KMT2E: variants seen among roughly 807,000 people sequenced by gnomAD.
KMT2E encodes histone reader KMT2E.
KMT2E carries 30 observed loss-of-function variants against 184.6 expected under a neutral mutation model. The ratio of observed to expected loss-of-function variants is 0.16; its 90% CI spans 0.12 to 0.22. KMT2E has a LOEUF of 0.22. Ranked by LOEUF, KMT2E falls within the 10% of genes least tolerant of loss-of-function variation. The probability of loss-of-function intolerance (pLI) is 1.00; values close to 1 mark genes in which losing one functional copy is unlikely to be tolerated. For synonymous variants in KMT2E, 815 were observed against 776.5 expected (o/e 1.05, Z -0.82); for missense variants, 2,023 against 2,237.4 (o/e 0.90, Z 1.93).
At position 105,111,811 on chromosome 7, in the gene KMT2E, T is replaced by A; in HGVS notation, c.4069-14T>A. On this transcript the variant is annotated splice_polypyrimidine_tract_variant and intron_variant, in intron 26 of 26. Coordinates refer to ENST00000311117, the MANE Select transcript of KMT2E (RefSeq NM_182931.3). ...ATGTTCCTTGAATGTATATAATTTG[T>A]TTTCTCTTCATAGCCTGGTTCACCT... is the stretch of plus-strand genomic sequence containing the variant. 1 of 1,591,152 alleles carries A rather than the reference T, an allele frequency of 6.3e-7. No homozygotes were observed. Among genetic ancestry groups the A allele is most frequent in the South Asian group, 1.1e-5 (1 of 86,972 alleles).
chr7:105,085,115 A>T (rs1472135920), intron 13 of KMT2E, among the ~76,000 whole-genome samples: 1 of 151,902 alleles, frequency 6.6e-6, no homozygotes, highest in Non-Finnish European at 1.5e-5. Context: ...GCAAATTTTC[A>T]AACATGTTTC....
intron 6 of KMT2E, among the ~76,000 whole-genome samples, chr7:105,071,179 T>C (rs780428953): frequency 2.0e-5 from 3 of 152,202 alleles, no homozygotes; most frequent in Non-Finnish European, 4.4e-5. Flanking sequence ...AGAGCTTCAA[T>C]GTACTGTATC....
rs547460005 is a variant in KMT2E at position 105,072,140 on chromosome 7, T to C, written c.498-1479T>C. ...CATCCTGGCTAACATGGTGAAACCC[T>C]GTCTCTACTAAAAATACAAAAACAA... On this transcript the variant is annotated intron_variant, in intron 6 of 26. Coordinates refer to ENST00000311117, the MANE Select transcript of KMT2E (RefSeq NM_182931.3). Among the ~76,000 whole-genome samples, 14 of 151,976 alleles carry C rather than the reference T, an allele frequency of 9.2e-5. No individual in the cohort carries two copies. In the South Asian group the frequency reaches 2.9e-3, roughly 32 times the overall value.
chr7:105,031,905 A>G (rs1238475994), intron 1 of KMT2E, among the ~76,000 whole-genome samples: 1 of 151,566 alleles, frequency 6.6e-6, no homozygotes, highest in East Asian at 1.9e-4. Flanking sequence ...CTCTGTCTCT[A>G]CTGAAAATAC....
At chr7:105,073,755 T>A (rs2129567914) in intron 7 of KMT2E, 78 bp downstream of exon 7, 1 of 852,956 alleles carries the variant, frequency 1.2e-6, no homozygotes, top group East Asian at 2.5e-5. Context: ...TTTAGTTAAA[T>A]GTAAATATTT....
At chr7:105,019,834 C>T (rs966818704) in intron 1 of KMT2E, among the ~76,000 whole-genome samples, 3 of 152,032 alleles carry the variant, frequency 2.0e-5, no homozygotes, top group Admixed American at 6.5e-5. Context: ...AGGCTGGGCA[C>T]GGTGGCTCAT....
At chr7:105,088,519 T>C (rs1798076540) in intron 13 of KMT2E, among the ~76,000 whole-genome samples, 1 of 152,244 alleles carries the variant, frequency 6.6e-6, no homozygotes, top group South Asian at 2.1e-4. Context: ...TGAACAAACA[T>C]TCAACTACTT....
intron 1 of KMT2E, among the ~76,000 whole-genome samples, chr7:105,021,125 A>C (rs1362561190): frequency 6.6e-6 from 1 of 152,238 alleles, no homozygotes; most frequent in Non-Finnish European, 1.5e-5. Context: ...AGATGGGAAG[A>C]TTCATGATGT....
intron 1 of KMT2E, among the ~76,000 whole-genome samples, chr7:105,017,349 T>G (rs1286772616): frequency 2.6e-5 from 4 of 152,136 alleles, no homozygotes; most frequent in Non-Finnish European, 5.9e-5. Flanking sequence ...TTCAGTTTAC[T>G]AGCTTTCTTC....
intron 13 of KMT2E, among the ~76,000 whole-genome samples, chr7:105,083,551 C>T (rs906832088): frequency 3.9e-5 from 6 of 152,178 alleles, no homozygotes; most frequent in Admixed American, 3.3e-4. Context: ...TGGCAGCTTC[C>T]GTTTGTTTTC....
chr7:105,034,465 C>T (rs1433022550), intron 1 of KMT2E, among the ~76,000 whole-genome samples: 2 of 152,134 alleles, frequency 1.3e-5, no homozygotes, highest in Non-Finnish European at 2.9e-5. Flanking sequence ...CTCCTGGCCT[C>T]ACGTGATCCT....
intron 12 of KMT2E, among the ~76,000 whole-genome samples, 179 bp downstream of exon 12, chr7:105,079,142 T>C (rs1425471162): frequency 4.0e-5 from 6 of 151,724 alleles, no homozygotes; most frequent in Admixed American, 6.6e-5. Context: ...AAGTCTTTTT[T>C]TTTTTTTTTT....
chr7:105,111,782 C>A, intron 26 of KMT2E, 43 bp from the exon 27 acceptor site: 1 of 1,553,218 alleles, frequency 6.4e-7, no homozygotes, highest in Non-Finnish European at 8.7e-7. Context: ...TCAAGGTACA[C>A]AAAATGTTCC....
At chr7:105,108,223 A>C (rs934023857) in intron 22 of KMT2E, among the ~76,000 whole-genome samples, 11 of 152,114 alleles carry the variant, frequency 7.2e-5, no homozygotes, top group Non-Finnish European at 1.5e-4. Context: ...CCCAACCAAA[A>C]ACACAGACTT....
chr7:105,113,577 A>T lies in KMT2E; in HGVS notation c.*244A>T. 1 of 358,706 alleles carries T rather than the reference A, an allele frequency of 2.8e-6. No homozygotes were observed. The highest frequency in any genetic ancestry group is 5.1e-6 in the Non-Finnish European group (1 of 196,642). The allele number at this position is 358,706 out of a possible 1,614,324, so 22.2% of individuals were successfully genotyped here. A position where few individuals can be genotyped will look rare whatever the true frequency, so the allele number is the denominator to read the frequency against. ...CAGCTGTTTTTTTCTGGCAGATCTG[A>T]TGCTGATTTGATGCTGTATGATCTT... On this transcript the variant is annotated 3_prime_UTR_variant, in exon 27 of 27. Coordinates refer to ENST00000311117, the MANE Select transcript of KMT2E (RefSeq NM_182931.3).
intron 3 of KMT2E, among the ~76,000 whole-genome samples, chr7:105,060,986 C>G (rs541473434): frequency 1.3e-5 from 2 of 152,116 alleles, no homozygotes; most frequent in African/African-American, 4.8e-5. Flanking sequence ...CAGAATGTAT[C>G]TCCAATGTTA....
In KMT2E at chr7:105,073,034, C is replaced by CG. The variant is rs1584760290; in HGVS notation, c.498-585_498-584insG. ...GAAATTTAATTTATGATTTTAATTA[C>CG]ATGTTAACATTATGGGTTTTTTTTT... is the stretch of plus-strand genomic sequence containing the variant. On this transcript the variant is annotated intron_variant, in intron 6 of 26. Transcript: ENST00000311117. Among the ~76,000 whole-genome samples, 5 of 131,178 alleles carry CG rather than the reference C, an allele frequency of 3.8e-5. No individual in the cohort carries two copies. In the East Asian group the frequency reaches 1.3e-3, roughly 35 times the overall value. The allele number at this position is 131,178 out of a possible 152,430, so 86.1% of individuals were successfully genotyped here.
rs545699939 is a variant in KMT2E, at chr7:105,087,218, ATATT to A, written c.1359-2790_1359-2787del. ...TGCTATATATATGCTTATATAATAT[ATATT>A]ATATAAGCATATATATAAAGAGATA... On this transcript the variant is annotated intron_variant, in intron 13 of 26. Coordinates refer to ENST00000311117, the MANE Select transcript of KMT2E (RefSeq NM_182931.3). Among the ~76,000 whole-genome samples the A allele has an allele frequency of 2.5e-3, 362 of 146,680 alleles. 2 individuals are homozygous for A. Among genetic ancestry groups the A allele is most frequent in the South Asian group, 0.018 (85 of 4,740 alleles).
intron 11 of KMT2E, 89 bp from the exon 12 acceptor site, chr7:105,078,757 C>T (rs543244477): frequency 1.1e-4 from 63 of 571,134 alleles, no homozygotes; most frequent in Non-Finnish European, 1.9e-4. Context: ...ATCCACCTGC[C>T]TCGGCCTCCC....
Sources: gnomAD v4.1 joint callset for allele counts (sites outside exome capture counted in the v4.1 genomes callset) on GRCh38, gnomAD v4.1.1 for gene constraint, MANE v1.5 for transcripts, NCBI Gene and HGNC (gene_info 2026-07-23, HGNC 2026-07-21) for gene names.